SLC22A4: variants seen among roughly 807,000 people sequenced by gnomAD.
SLC22A4 encodes the protein solute carrier family 22 member 4.
SLC22A4 carries 39 observed loss-of-function variants against 56.6 expected under a neutral mutation model. The observed-to-expected ratio is 0.69, with a 90% confidence interval of 0.53 to 0.90. The LOEUF (loss-of-function observed/expected upper bound fraction) is 0.90. SLC22A4 is among the 40% of genes least tolerant of loss of function. The pLI is 0.00. For synonymous variants in SLC22A4, 241 were observed against 281.4 expected (o/e 0.86, Z 1.44); for missense variants, 594 against 696.5 (o/e 0.85, Z 1.66).
At chr5:132,333,626 A>C (rs1253052770) in intron 6 of SLC22A4, among the ~76,000 whole-genome samples, 1 of 152,208 alleles carries the variant, frequency 6.6e-6, no homozygotes, top group Non-Finnish European at 1.5e-5. Context: ...TTTGCCCTGC[A>C]GGGAGTGTCC....
chr5:132,308,206 C>A, intron 1 of SLC22A4, among the ~76,000 whole-genome samples: 1 of 152,028 alleles, frequency 6.6e-6, no homozygotes, highest in Non-Finnish European at 1.5e-5. Flanking sequence ...GCGCCCACCC[C>A]ACCCAGGGCT....
At chr5:132,295,211 A>T (rs1366993924) in intron 1 of SLC22A4, 2 of 727,238 alleles carry the variant, frequency 2.8e-6, no homozygotes, top group Non-Finnish European at 5.1e-6. Flanking sequence ...TCTGTCCAAT[A>T]AGGAGGTGAT....
intron 1 of SLC22A4, among the ~76,000 whole-genome samples, chr5:132,302,606 G>C (rs1696689294): frequency 6.6e-6 from 1 of 152,216 alleles, no homozygotes; most frequent in South Asian, 2.1e-4. Context: ...CTCCTGCTCA[G>C]CATTTGCAAG....
chr5:132,302,118 C>A (rs558573358), intron 1 of SLC22A4, among the ~76,000 whole-genome samples: 77 of 152,360 alleles, frequency 5.1e-4, no homozygotes, highest in African/African-American at 1.8e-3. Flanking sequence ...TCAGCTGCCT[C>A]ACCCCAAACT....
intron 8 of SLC22A4, 80 bp from the exon 9 acceptor site, chr5:132,340,485 C>T (rs759749336): frequency 8.9e-6 from 12 of 1,341,038 alleles, no homozygotes; most frequent in Middle Eastern, 1.8e-4. Context: ...ATACTGTTCA[C>T]CAACTTCACA....
intron 3 of SLC22A4, 143 bp downstream of exon 3, chr5:132,313,911 G>A: frequency 1.1e-6 from 1 of 916,774 alleles, no homozygotes; most frequent in South Asian, 1.4e-5. Context: ...CACAGCTCTT[G>A]GAGCAAGTCA....
At chr5:132,324,138 G>A (rs1373748273) in intron 4 of SLC22A4, among the ~76,000 whole-genome samples, 2 of 152,060 alleles carry the variant, frequency 1.3e-5, no homozygotes, top group African/African-American at 4.8e-5. Flanking sequence ...ATTACAGTGC[G>A]CTATATGATC....
intron 1 of SLC22A4, among the ~76,000 whole-genome samples, chr5:132,302,656 C>G (rs1042727498): frequency 6.9e-4 from 105 of 152,304 alleles, no homozygotes; most frequent in African/African-American, 2.3e-3. Context: ...CAGAGCTTCC[C>G]CTCAGTGCTT....
rs1410967278 is a variant in SLC22A4, at chr5:132,336,100, GA to G, written c.1444+106del. 1.2e-5 allele frequency: 15 copies of G among 1,260,778 alleles called. No individual in the cohort carries two copies. The African/African-American group carries it at 1.3e-4, about 11-fold the overall frequency. The allele number at this position is 1,260,778 out of a possible 1,614,324, so 78.1% of individuals were successfully genotyped here. A position where few individuals can be genotyped will look rare whatever the true frequency, so the allele number is the denominator to read the frequency against. Reference sequence around the variant, plus strand: ...ATGTCAAATAGCATAGAATGTACTGGAAAAAAGTACAAGTTCACCTCTCCTC... The same window carrying G: ...ATGTCAAATAGCATAGAATGTACTGGAAAAAGTACAAGTTCACCTCTCCTC... On this transcript the variant is annotated intron_variant, in intron 8 of 9. Coordinates refer to ENST00000200652, the MANE Select transcript of SLC22A4 (RefSeq NM_003059.3).
At chr5:132,310,417 G>A (rs1295599608) in intron 1 of SLC22A4, among the ~76,000 whole-genome samples, 1 of 152,198 alleles carries the variant, frequency 6.6e-6, no homozygotes, top group Non-Finnish European at 1.5e-5. Context: ...CACACGTCCT[G>A]TTTACCACTT....
rs1750258552 is a variant in SLC22A4 at position 132,313,889 on chromosome 5, G to A, written c.652+121G>A. On this transcript the variant is annotated intron_variant, in intron 3 of 9. Coordinates refer to ENST00000200652, the MANE Select transcript of SLC22A4 (RefSeq NM_003059.3). ...GCCTTTGGATATATGTGTCTTGGGAGGGAGCCGTAGCCACAGCTCTTGGAG... is the reference window on the plus strand; with the variant it reads ...GCCTTTGGATATATGTGTCTTGGGAAGGAGCCGTAGCCACAGCTCTTGGAG... 9 of 1,091,234 alleles carry A rather than the reference G, an allele frequency of 8.2e-6. No homozygotes were observed. In the South Asian group the frequency reaches 1.0e-4, roughly 12 times the overall value. 67.6% of individuals were successfully genotyped at this position (1,091,234 alleles called of 1,614,324 possible). A position where few individuals can be genotyped will look rare whatever the true frequency, so the allele number is the denominator to read the frequency against.
intron 1 of SLC22A4, among the ~76,000 whole-genome samples, chr5:132,299,449 C>G (rs865774806): frequency 5.4e-5 from 8 of 149,002 alleles, no homozygotes; most frequent in Non-Finnish European, 7.4e-5. Flanking sequence ...GATGGAGTTT[C>G]TTTCTTCGTT....
intron 9 of SLC22A4, among the ~76,000 whole-genome samples, chr5:132,341,928 C>T (rs375514058): frequency 5.1e-4 from 78 of 151,748 alleles, no homozygotes; most frequent in African/African-American, 1.7e-3. Flanking sequence ...GTCTGCGTGA[C>T]AGAGCGAGAC....
intron 1 of SLC22A4, among the ~76,000 whole-genome samples, chr5:132,304,404 G>A (rs890648324): frequency 2.6e-5 from 4 of 152,166 alleles, no homozygotes; most frequent in Non-Finnish European, 4.4e-5. Context: ...ATCACCTGAG[G>A]CCGGGAGTTT....
chr5:132,341,627 T>C (rs1580852215), intron 9 of SLC22A4, among the ~76,000 whole-genome samples: 1 of 151,726 alleles, frequency 6.6e-6, no homozygotes, highest in Non-Finnish European at 1.5e-5. Context: ...GCTAGACATT[T>C]TGAATAAATT....
intron 3 of SLC22A4, among the ~76,000 whole-genome samples, chr5:132,314,484 C>T (rs1025139361): frequency 2.6e-5 from 4 of 152,118 alleles, no homozygotes; most frequent in African/African-American, 4.8e-5. Flanking sequence ...TTGAGCCCAG[C>T]GAATGGGCAA....
intron 1 of SLC22A4, among the ~76,000 whole-genome samples, chr5:132,297,146 C>T (rs930344585): frequency 1.3e-5 from 2 of 152,154 alleles, no homozygotes; most frequent in East Asian, 1.9e-4. Context: ...GGTGAAACCC[C>T]GTCTCTACTA....
chr5:132,341,781 C>T (rs1257509419), intron 9 of SLC22A4, among the ~76,000 whole-genome samples: 1 of 151,972 alleles, frequency 6.6e-6, no homozygotes, highest in African/African-American at 2.4e-5. Context: ...AACCCCATCT[C>T]TACTAAAAAT....
At chr5:132,334,976 C>T in intron 7 of SLC22A4, 44 bp downstream of exon 7, 1 of 1,326,866 alleles carries the variant, frequency 7.5e-7, no homozygotes. Flanking sequence ...AAAAGACCCA[C>T]ATATTGACTA....
Sources: allele counts gnomAD v4.1 joint callset (sites outside exome capture counted in the v4.1 genomes callset), GRCh38; gene constraint gnomAD v4.1.1; transcripts MANE v1.5; gene names NCBI Gene and HGNC (gene_info 2026-07-23, HGNC 2026-07-21).